The following PARL variants were observed in gnomAD, a reference collection of about 807,000 sequenced individuals.
PARL encodes the protein presenilin associated rhomboid like.
PARL carries 44 observed loss-of-function variants against 51.6 expected under a neutral mutation model. The observed-to-expected ratio is 0.85, with a 90% CI of 0.67 to 1.10. PARL has a LOEUF of 1.10. PARL is among the 50% of genes least tolerant of loss of function. The probability of loss-of-function intolerance (pLI) is 0.00; values close to 1 mark genes in which losing one functional copy is unlikely to be tolerated. For missense variants in PARL, 441 were observed against 469.5 expected (o/e 0.94, Z 0.56); for synonymous variants, 172 against 164.0 (o/e 1.05, Z -0.37).
At position 183,884,752 on chromosome 3, in the gene PARL, A is replaced by G. The variant is rs1276323191; in HGVS notation, c.95T>C (p.Val32Ala). Residue 32 changes from valine (V) to alanine (A), a missense_variant, in exon 1 of 10, where the codon GTC becomes GCC. Transcript: ENST00000317096. ...TCCGAGGAGCTGCGGCGGGGTTAGG[A>G]CCGCAGTGAGCTCCTCGCAGCTGCG... is the stretch of plus-strand genomic sequence containing the variant. ...GGRSCEELTA[V>A]LTPPQLLGRR... 1.3e-6 allele frequency: 2 copies of G among 1,579,634 alleles called. No homozygotes were observed. Among genetic ancestry groups the G allele is most frequent in the Non-Finnish European group, 1.7e-6 (2 of 1,166,462 alleles).
intron 1 of PARL, among the ~76,000 whole-genome samples, chr3:183,880,070 T>C (rs1734272088): frequency 6.6e-6 from 1 of 152,074 alleles, no homozygotes; most frequent in Admixed American, 6.6e-5. Context: ...AGCAAAAGCA[T>C]GATAAATGTC....
At chr3:183,846,289 T>C (rs1005236162) in intron 4 of PARL, among the ~76,000 whole-genome samples, 4 of 151,042 alleles carry the variant, frequency 2.6e-5, no homozygotes, top group Non-Finnish European at 5.9e-5. Context: ...AGGTCGGGAG[T>C]TCGAGACCAG....
chr3:183,867,275 T>TA (rs1353045928), intron 2 of PARL, among the ~76,000 whole-genome samples: 2 of 152,170 alleles, frequency 1.3e-5, no homozygotes, highest in African/African-American at 4.8e-5. Context: ...TGTTTCCAGC[T>TA]ATAAATCCTC....
chr3:183,871,492 C>A (rs1228347230), intron 1 of PARL, among the ~76,000 whole-genome samples: 4 of 110,412 alleles, frequency 3.6e-5, no homozygotes, highest in African/African-American at 7.1e-5. Flanking sequence ...GTGGTATATT[C>A]ATATAATGGA....
chr3:183,877,062 A>AAATT (rs1733936816), intron 1 of PARL, among the ~76,000 whole-genome samples: 1 of 152,160 alleles, frequency 6.6e-6, no homozygotes. Flanking sequence ...AAATTCAAAA[A>AAATT]AATTAACTGG....
At chr3:183,826,881 A>ACTGTTGT, downstream of PARL, 1 of 622,254 alleles carries the variant, frequency 1.6e-6, no homozygotes, top group Non-Finnish European at 2.0e-6. Context: ...TTATTACTTC[A>ACTGTTGT]TTGATCAAAC....
At chr3:183,864,593 G>A (rs180701632) in intron 3 of PARL, among the ~76,000 whole-genome samples, 334 of 152,060 alleles carry the variant, frequency 2.2e-3, no homozygotes, top group African/African-American at 7.8e-3. Flanking sequence ...TGGCTAACAC[G>A]GTGAAACCCC....
intron 9 of PARL, among the ~76,000 whole-genome samples, chr3:183,833,072 G>A (rs1221078448): frequency 3.3e-5 from 5 of 152,180 alleles, no homozygotes; most frequent in African/African-American, 9.7e-5. Context: ...CAATGGCTCC[G>A]CCAACTCAGC....
chr3:183,884,645 C>T, intron 1 of PARL, 77 bp downstream of exon 1: 1 of 1,439,796 alleles, frequency 6.9e-7, no homozygotes, highest in Non-Finnish European at 9.5e-7. Flanking sequence ...GAGGCCCAGA[C>T]GGCCTCCGCC....
chr3:183,866,874 G>T, intron 2 of PARL, 109 bp from the exon 3 acceptor site: 2 of 809,996 alleles, frequency 2.5e-6, no homozygotes, highest in Non-Finnish European at 2.0e-6. Context: ...ACCAACAGAA[G>T]GGAATACTTG....
At chr3:183,839,707 C>A (rs1577295392) in intron 7 of PARL, among the ~76,000 whole-genome samples, 1 of 151,940 alleles carries the variant, frequency 6.6e-6, no homozygotes, top group African/African-American at 2.4e-5. Context: ...GTGTGAGCCA[C>A]TGCACCCAGC....
chr3:183,829,753 T>C (rs1727706426), intron 9 of PARL, 44 bp from the exon 10 acceptor site: 1 of 1,472,184 alleles, frequency 6.8e-7, no homozygotes, highest in Admixed American at 1.7e-5. Context: ...CAGTGTGACA[T>C]ACAAATGGTA....
chr3:183,864,324 T>G (rs1031795208), intron 3 of PARL, among the ~76,000 whole-genome samples: 1 of 152,072 alleles, frequency 6.6e-6, no homozygotes, highest in African/African-American at 2.4e-5. Context: ...AGGATCACAC[T>G]GTTCCAAGGA....
At chr3:183,847,786 C>T (rs1235486664) in intron 4 of PARL, among the ~76,000 whole-genome samples, 1 of 152,184 alleles carries the variant, frequency 6.6e-6, no homozygotes, top group African/African-American at 2.4e-5. Flanking sequence ...TACCTCCTAC[C>T]TCATAAAGGT....
At chr3:183,845,296 C>T (rs1056972695) in intron 4 of PARL, among the ~76,000 whole-genome samples, 1 of 152,152 alleles carries the variant, frequency 6.6e-6, no homozygotes, top group Non-Finnish European at 1.5e-5. Flanking sequence ...GTAAGGTTCT[C>T]AGCTAGCCCC....
chr3:183,882,239 A>T lies in PARL; in HGVS notation c.125+2483T>A, dbSNP rs1198490208. On this transcript the variant is annotated intron_variant, in intron 1 of 9. Coordinates refer to ENST00000317096, the MANE Select transcript of PARL (RefSeq NM_018622.7). ...AAAAAAAAAATATATATATATATAT[A>T]TATATTTATATATATATATATATAT... Among the ~76,000 whole-genome samples the T allele has an allele frequency of 8.9e-5, 2 of 22,516 alleles. 1 individual carries two copies. Among genetic ancestry groups the T allele is most frequent in the Non-Finnish European group, 1.8e-4 (2 of 10,902 alleles). The allele number at this position is 22,516 out of a possible 152,430, so 14.8% of individuals were successfully genotyped here. A position where few individuals can be genotyped will look rare whatever the true frequency, so the allele number is the denominator to read the frequency against.
At chr3:183,875,213 G>A (rs1365531202) in intron 1 of PARL, among the ~76,000 whole-genome samples, 4 of 151,990 alleles carry the variant, frequency 2.6e-5, no homozygotes, top group Admixed American at 6.6e-5. Context: ...TCAGGAGTTC[G>A]AGACCAGCCT....
At chr3:183,837,449 G>A (rs1459021180) in intron 7 of PARL, among the ~76,000 whole-genome samples, 2 of 152,168 alleles carry the variant, frequency 1.3e-5, no homozygotes, top group Non-Finnish European at 2.9e-5. Context: ...CTGTAATGAG[G>A]CATCCCAATA....
chr3:183,842,194 C>A (rs1036906184), intron 6 of PARL, 104 bp downstream of exon 6: 1 of 1,101,726 alleles, frequency 9.1e-7, no homozygotes, highest in African/African-American at 1.5e-5. Context: ...ATGTTCTGAG[C>A]ACTCACTACG....
Sources: gnomAD v4.1 joint callset for allele counts (sites outside exome capture counted in the v4.1 genomes callset) on GRCh38, gnomAD v4.1.1 for gene constraint, MANE v1.5 for transcripts, NCBI Gene and HGNC (gene_info 2026-07-23, HGNC 2026-07-21) for gene names.